Variants in ABCC4 observed in about 807,000 individuals in gnomAD.
ABCC4 encodes the protein ATP binding cassette subfamily C member 4 (PEL blood group).
In ABCC4, 102 loss-of-function variants were observed where a neutral mutation model predicts 168.5. The ratio of observed to expected loss-of-function variants is 0.61; its 90% CI spans 0.52 to 0.71. The LOEUF (loss-of-function observed/expected upper bound fraction) is 0.71. Ranked by LOEUF, ABCC4 falls within the 30% of genes least tolerant of loss-of-function variation. The probability of loss-of-function intolerance (pLI) is 0.00; values close to 1 mark genes in which losing one functional copy is unlikely to be tolerated. For synonymous variants in ABCC4, 617 were observed against 590.7 expected, an observed-to-expected ratio of 1.04 and a Z score of -0.65; for missense variants, 1,402 against 1,605.8, an observed-to-expected ratio of 0.87 and a Z score of 2.17.
chr13:95,168,020 C>G (rs2037342444), intron 14 of ABCC4, among the ~76,000 whole-genome samples: 1 of 152,146 alleles, frequency 6.6e-6, no homozygotes, highest in South Asian at 2.1e-4. Flanking sequence ...GCAGCGCCAC[C>G]AGGCCCAGCC....
chr13:95,245,165 A>G (rs113673903), intron 3 of ABCC4, among the ~76,000 whole-genome samples: 1,909 of 152,308 alleles, frequency 0.013, 42 homozygotes, highest in East Asian at 0.089. Context: ...GCAGCCCATG[A>G]CAGCATGGAC....
intron 9 of ABCC4, among the ~76,000 whole-genome samples, chr13:95,189,762 T>C (rs1368484292): frequency 6.6e-6 from 1 of 152,134 alleles, no homozygotes. Flanking sequence ...ATTAAGTGTA[T>C]GTTCATAGGT....
Position 95,158,253 on chromosome 13 carries a change from T to C in ABCC4, c.2455+2936A>G, listed in dbSNP as rs532539097. ...TCACCAGCAAGGGTCGCCCATTCAT[T>C]AACCACACAGATGAGGATCTGGGCA... On this transcript the variant is annotated intron_variant, in intron 19 of 30. Coordinates refer to ENST00000645237, the MANE Select transcript of ABCC4 (RefSeq NM_005845.5). 2.0e-5 allele frequency among the ~76,000 whole-genome samples: 3 copies of C among 152,102 alleles called. No individual in the cohort carries two copies. The East Asian group carries it at 5.8e-4, about 29-fold the overall frequency.
chr13:95,266,827 CTT>C (rs35329015), intron 1 of ABCC4, among the ~76,000 whole-genome samples: 10 of 130,708 alleles, frequency 7.7e-5, no homozygotes, highest in Admixed American at 1.6e-4. Context: ...ACTCAAATCT[CTT>C]TTTTTTTTTT....
At chr13:95,120,022 A>G (rs2035508507) in intron 19 of ABCC4, among the ~76,000 whole-genome samples, 1 of 152,070 alleles carries the variant, frequency 6.6e-6, no homozygotes, top group African/African-American at 2.4e-5. Context: ...GAATCACACA[A>G]TATGTGATCT....
Position 95,234,813 on chromosome 13 carries a change from G to C in ABCC4, c.328C>G (p.Pro110Ala), listed in dbSNP as rs2039719784. 6.4e-7 allele frequency: 1 copy of C among 1,564,852 alleles called. No homozygotes were observed. Residue 110 changes from proline (P) to alanine (A), a missense_variant, in exon 4 of 31, where the codon CCC becomes GCC. By Grantham distance (27) the Pro-to-Ala change is conservative. Transcript: ENST00000645237. ...TTAATAATTTTTCCCAAAAATATGG[G>C]CTGGATTACTTTGGCACTTTCCTAA... ...LIEESAKVIQ[P>A]IFLGKIINYF... is the part of the protein sequence containing the mutation.
At chr13:95,264,551 C>T (rs898443258) in intron 1 of ABCC4, among the ~76,000 whole-genome samples, 3 of 152,164 alleles carry the variant, frequency 2.0e-5, no homozygotes, top group African/African-American at 4.8e-5. Context: ...TATGAAGTCA[C>T]ATCACATTTT....
At chr13:95,189,011 C>T (rs2038161827) in intron 9 of ABCC4, among the ~76,000 whole-genome samples, 2 of 152,032 alleles carry the variant, frequency 1.3e-5, no homozygotes, top group South Asian at 4.1e-4. Context: ...GCCCTGCATG[C>T]ATTATGTATT....
At chr13:95,211,467 G>A (rs1308836444) in intron 4 of ABCC4, among the ~76,000 whole-genome samples, 2 of 152,180 alleles carry the variant, frequency 1.3e-5, no homozygotes, top group African/African-American at 4.8e-5. Context: ...ATGGAGGGAA[G>A]GGAAGGGCAC....
intron 14 of ABCC4, among the ~76,000 whole-genome samples, chr13:95,169,949 C>T (rs1411381861): frequency 5.3e-5 from 8 of 152,188 alleles, no homozygotes; most frequent in South Asian, 2.1e-4. Context: ...CTCCGCCTCC[C>T]GGGTTCAAGT....
chr13:95,272,776 T>C (rs980073244), intron 1 of ABCC4, among the ~76,000 whole-genome samples: 1 of 129,518 alleles, frequency 7.7e-6, no homozygotes, highest in African/African-American at 3.6e-5. Context: ...TAATCCCCGC[T>C]ACTCGAGAGG....
chr13:95,154,507 G>C (rs918359305), intron 19 of ABCC4, among the ~76,000 whole-genome samples: 1 of 152,174 alleles, frequency 6.6e-6, no homozygotes, highest in African/African-American at 2.4e-5. Flanking sequence ...AACATAGCGA[G>C]TGATTTGGCA....
intron 19 of ABCC4, 73 bp from the exon 20 acceptor site, chr13:95,116,074 A>C: frequency 9.1e-7 from 1 of 1,098,678 alleles, no homozygotes; most frequent in Non-Finnish European, 1.3e-6. Flanking sequence ...TCGCAAACAA[A>C]TCAAAACAAT....
intron 20 of ABCC4, among the ~76,000 whole-genome samples, chr13:95,104,543 C>A (rs557912270): frequency 1.8e-4 from 27 of 152,306 alleles, no homozygotes; most frequent in Admixed American, 1.6e-3. Context: ...CATCTCCACC[C>A]CATTTATTCT....
intron 20 of ABCC4, among the ~76,000 whole-genome samples, chr13:95,096,660 C>T (rs529216749): frequency 2.0e-5 from 3 of 151,382 alleles, no homozygotes; most frequent in South Asian, 4.2e-4. Flanking sequence ...ATGTACAGTG[C>T]CAAAAAAAGG....
chr13:95,093,954 T>A (rs1388491755), intron 20 of ABCC4, among the ~76,000 whole-genome samples: 1 of 152,008 alleles, frequency 6.6e-6, no homozygotes, highest in East Asian at 1.9e-4. Context: ...ATAAAATACT[T>A]AGGAATATAC....
At chr13:95,230,139 A>G (rs1027326504) in intron 4 of ABCC4, among the ~76,000 whole-genome samples, 1 of 152,202 alleles carries the variant, frequency 6.6e-6, no homozygotes, top group Non-Finnish European at 1.5e-5. Flanking sequence ...CTTAATGCCA[A>G]TCTGTTGACC....
At chr13:95,281,868 A>G (rs61353550) in intron 1 of ABCC4, among the ~76,000 whole-genome samples, 1,785 of 152,280 alleles carry the variant, frequency 0.012, 34 homozygotes, top group African/African-American at 0.04. Context: ...GCACTTTGGG[A>G]GGCCAAGGAG....
chr13:95,073,806 T>C (rs1188636688), intron 23 of ABCC4, among the ~76,000 whole-genome samples: 1 of 152,178 alleles, frequency 6.6e-6, no homozygotes, highest in Non-Finnish European at 1.5e-5. Context: ...CCATGTGGCA[T>C]TGAAGATAAT....
Sources: allele counts gnomAD v4.1 joint callset (sites outside exome capture counted in the v4.1 genomes callset), GRCh38; gene constraint gnomAD v4.1.1; transcripts MANE v1.5; gene names NCBI Gene and HGNC (gene_info 2026-07-23, HGNC 2026-07-21).